ANKIB1: variants seen among roughly 807,000 people sequenced by gnomAD.
ANKIB1 encodes the protein ankyrin repeat and IBR domain-containing protein 1.
A neutral mutation model predicts 122.1 loss-of-function variants in ANKIB1; 43 were observed. The ratio of observed to expected loss-of-function variants is 0.35; its 90% CI spans 0.28 to 0.45. The LOEUF (loss-of-function observed/expected upper bound fraction) is 0.45, where lower values mean the gene tolerates loss of function less well. ANKIB1 is among the 20% of genes least tolerant of loss of function. The pLI, the probability that ANKIB1 is intolerant of heterozygous loss-of-function variation, is 1.00. For missense variants in ANKIB1, 992 were observed against 1,329.5 expected (o/e 0.75, Z 3.95); for synonymous variants, 390 against 442.0 (o/e 0.88, Z 1.48).
intron 7 of ANKIB1, among the ~76,000 whole-genome samples, chr7:92,346,159 ACT>A (rs1235461087): frequency 1.3e-5 from 2 of 150,342 alleles, no homozygotes; most frequent in East Asian, 2.0e-4. Context: ...ACAGGGTCTC[ACT>A]CTGTCACCCA....
At chr7:92,331,938 T>C (rs1803182200) in intron 5 of ANKIB1, among the ~76,000 whole-genome samples, 1 of 152,202 alleles carries the variant, frequency 6.6e-6, no homozygotes, top group Non-Finnish European at 1.5e-5. Context: ...AATTTCACCA[T>C]AATTAAAAGA....
intron 10 of ANKIB1, among the ~76,000 whole-genome samples, chr7:92,364,074 G>A (rs924071682): frequency 7.2e-5 from 11 of 151,958 alleles, no homozygotes; most frequent in East Asian, 1.9e-4. Flanking sequence ...TTGGGAGGCC[G>A]AGGCAGGTGG....
At chr7:92,374,876 A>G (rs78448677) in intron 11 of ANKIB1, among the ~76,000 whole-genome samples, 1 of 149,378 alleles carries the variant, frequency 6.7e-6, no homozygotes, top group Non-Finnish European at 1.5e-5. Flanking sequence ...TAACATAATC[A>G]AGAAAAAAAA....
chr7:92,246,624 G>C (rs562385968), intron 1 of ANKIB1, 105 bp downstream of exon 1: 127 of 460,262 alleles, frequency 2.8e-4, no homozygotes, highest in Non-Finnish European at 5.0e-4. Context: ...TCTACTAGGA[G>C]TGTGTCTGTC....
At chr7:92,357,886 T>G (rs141709657) in intron 9 of ANKIB1, among the ~76,000 whole-genome samples, 18 of 152,306 alleles carry the variant, frequency 1.2e-4, no homozygotes, top group African/African-American at 4.3e-4. Context: ...ATTACTATAC[T>G]TTGGAGAATT....
At chr7:92,271,419 T>A (rs1801788115) in intron 1 of ANKIB1, among the ~76,000 whole-genome samples, 1 of 152,194 alleles carries the variant, frequency 6.6e-6, no homozygotes, top group South Asian at 2.1e-4. Context: ...TTCTTCTTTT[T>A]AAAAATTTTT....
At chr7:92,336,157 T>C (rs1459943822) in intron 5 of ANKIB1, among the ~76,000 whole-genome samples, 1 of 152,118 alleles carries the variant, frequency 6.6e-6, no homozygotes, top group African/African-American at 2.4e-5. Context: ...ATATGTATTT[T>C]AAATAAACTA....
chr7:92,359,746 T>C (rs549375264), intron 9 of ANKIB1, among the ~76,000 whole-genome samples: 1 of 152,290 alleles, frequency 6.6e-6, no homozygotes, highest in Admixed American at 6.5e-5. Context: ...TTCCTGACTT[T>C]ATATATCCAC....
At chr7:92,362,390 C>T in intron 10 of ANKIB1, 117 bp downstream of exon 10, 2 of 891,434 alleles carry the variant, frequency 2.2e-6, no homozygotes, top group Admixed American at 2.2e-5. Context: ...AATGCAAGTG[C>T]TCTCCTGTTT....
In ANKIB1 at chr7:92,390,033, C is replaced by T. The variant is rs1447702211; in HGVS notation, c.1969C>T (p.Arg657Trp). 9.3e-6 allele frequency: 15 copies of T among 1,606,950 alleles called. No individual in the cohort carries two copies. Among genetic ancestry groups the T allele is most frequent in the Non-Finnish European group, 4.2e-6 (5 of 1,177,728 alleles). The change falls in exon 15 of 20, where the codon CGG becomes TGG. Residue 657 changes from arginine (R) to tryptophan (W), a missense_variant. This residue lies in a region of ANKIB1 where 521 missense variants were observed against 777.7 expected (regional missense o/e 0.67). Coordinates refer to ENST00000265742, the MANE Select transcript of ANKIB1 (RefSeq NM_019004.2). ...TGCAGTTCATGTGCTCTTAAAAACT[C>T]GGCGCATTCTCAAGTGTTCTTATCC... ...EDAVHVLLKT[R>W]RILKCSYPYG...
chr7:92,350,969 C>A lies in ANKIB1; in HGVS notation c.1105C>A (p.Gln369Lys). The stretch of plus-strand genomic sequence containing the variant: ...TAATAGGTTTTTGAATCTGAAAATT[C>A]AAGAAGGTGAAGCTCACAACATTTT... The part of the protein sequence containing the change: ...CWESFLNLKI[Q>K]EGEAHNIFCP... The change falls in exon 8 of 20, where the codon CAA (glutamine) becomes AAA (lysine). Residue 369 changes from glutamine to lysine, a missense_variant. Physicochemically the swap from Gln to Lys is moderately conservative, Grantham distance 53 (BLOSUM62 1). This residue lies in a region of ANKIB1 where 521 missense variants were observed against 777.7 expected (regional missense o/e 0.67). Coordinates refer to ENST00000265742, the MANE Select transcript of ANKIB1 (RefSeq NM_019004.2). 6.2e-7 allele frequency: 1 copy of A among 1,606,012 alleles called. No homozygotes were observed. The highest frequency in any genetic ancestry group is 1.7e-5 in the Admixed American group (1 of 58,648).
intron 5 of ANKIB1, among the ~76,000 whole-genome samples, chr7:92,338,110 A>G (rs1413868487): frequency 6.6e-6 from 1 of 152,176 alleles, no homozygotes; most frequent in Non-Finnish European, 1.5e-5. Flanking sequence ...GCTTGGCCCT[A>G]CATAAAAAAG....
chr7:92,332,290 A>G (rs761417418), intron 5 of ANKIB1, among the ~76,000 whole-genome samples: 1 of 152,230 alleles, frequency 6.6e-6, no homozygotes, highest in Non-Finnish European at 1.5e-5. Context: ...AATTGCTCTT[A>G]AAGCCAGGAC....
intron 9 of ANKIB1, among the ~76,000 whole-genome samples, chr7:92,358,945 A>G (rs533665156): frequency 3.3e-5 from 5 of 152,278 alleles, no homozygotes; most frequent in South Asian, 2.1e-4. Flanking sequence ...TCCTAGATCT[A>G]TGGCATATTT....
chr7:92,333,031 C>T (rs941286744), intron 5 of ANKIB1, among the ~76,000 whole-genome samples: 4 of 152,170 alleles, frequency 2.6e-5, no homozygotes, highest in African/African-American at 9.7e-5. Flanking sequence ...ACACCAACTT[C>T]GACATTTCCT....
intron 1 of ANKIB1, among the ~76,000 whole-genome samples, chr7:92,277,642 G>A (rs1208401333): frequency 1.3e-5 from 2 of 152,116 alleles, no homozygotes; most frequent in East Asian, 1.9e-4. Context: ...AATATTTATG[G>A]ATGTTCTGTG....
chr7:92,249,742 A>G (rs1045914991), intron 1 of ANKIB1, among the ~76,000 whole-genome samples: 4 of 152,034 alleles, frequency 2.6e-5, no homozygotes, highest in African/African-American at 9.7e-5. Flanking sequence ...GAATAAGCAC[A>G]ATAGATGCCA....
rs1804964798 is a variant in ANKIB1, at chr7:92,399,212, T to C, written c.*263T>C. Reference sequence around the variant, plus strand: ...AAGAGAAAGAGAAACAAAAATGAAATAAATAAGTTGTATTCCACACTCTAA... The same window carrying C: ...AAGAGAAAGAGAAACAAAAATGAAACAAATAAGTTGTATTCCACACTCTAA... On this transcript the variant is annotated 3_prime_UTR_variant, in exon 20 of 20. Coordinates refer to ENST00000265742, the MANE Select transcript of ANKIB1 (RefSeq NM_019004.2). 1.1e-5 allele frequency: 3 copies of C among 283,684 alleles called. No homozygotes were observed. The highest frequency in any genetic ancestry group is 1.9e-5 in the Non-Finnish European group (3 of 155,060). The allele number at this position is 283,684 out of a possible 1,614,324, so 17.6% of individuals were successfully genotyped here. A position where few individuals can be genotyped will look rare whatever the true frequency, so the allele number is the denominator to read the frequency against.
rs577822158 is a variant in ANKIB1 at position 92,399,403 on chromosome 7, C to T, written c.*454C>T. 2 of 152,338 alleles carry T rather than the reference C, an allele frequency of 1.3e-5. No homozygotes were observed. The highest frequency in any genetic ancestry group is 1.9e-4 in the East Asian group (1 of 5,180). 9.4% of individuals were successfully genotyped at this position (152,338 alleles called of 1,614,324 possible). ...ATAAATCCGATAACATATATGTCCT[C>T]AATCTCTTTGTGCTCTTCCATAACT... is the stretch of plus-strand genomic sequence containing the variant. On this transcript the variant is annotated 3_prime_UTR_variant, in exon 20 of 20. Coordinates refer to ENST00000265742, the MANE Select transcript of ANKIB1 (RefSeq NM_019004.2).
Sources: gnomAD v4.1 joint callset for allele counts (sites outside exome capture counted in the v4.1 genomes callset) on GRCh38, gnomAD v4.1.1 for gene constraint, gnomAD v4.1.1 regional missense constraint, MANE v1.5 for transcripts, NCBI Gene and HGNC (gene_info 2026-07-23, HGNC 2026-07-21) for gene names.